TRAP1: variants seen among roughly 807,000 people sequenced by gnomAD.
TRAP1 encodes heat shock protein 75 kDa, mitochondrial.
Under a neutral mutation model 89.1 loss-of-function variants are expected in TRAP1, and 102 were observed. The ratio of observed to expected loss-of-function variants is 1.15; its 90% CI spans 0.98 to 1.35. The LOEUF (loss-of-function observed/expected upper bound fraction) is 1.35, where lower values mean the gene tolerates loss of function less well. TRAP1 is among the 40% of genes most tolerant of loss of function. TRAP1 has a pLI of 0.00. For missense variants in TRAP1, 1,256 were observed against 945.3 expected (o/e 1.33, Z -4.31); for synonymous variants, 508 against 388.0 (o/e 1.31, Z -3.64).
chr16:3,687,878 C>CAAAAAAAAAAAAAAAAAA (rs1555465640), intron 3 of TRAP1, among the ~76,000 whole-genome samples: 3 of 138,774 alleles, frequency 2.2e-5, no homozygotes, highest in Non-Finnish European at 3.1e-5. Flanking sequence ...AAAAAAAAAA[C>CAAAAAAAAAAAAAAAAAA]AAAAACCCAC....
chr16:3,689,045 G>A lies in TRAP1; in HGVS notation c.330+10C>T. The A allele has an allele frequency of 6.2e-7, 1 of 1,607,702 alleles. No individual in the cohort carries two copies. The highest frequency in any genetic ancestry group is 8.5e-7 in the Non-Finnish European group (1 of 1,176,788). On this transcript the variant is annotated intron_variant, in intron 3 of 17. Coordinates refer to ENST00000246957, the MANE Select transcript of TRAP1 (RefSeq NM_016292.3). ...TTGCTAGCATCGGGCATGGTTAGCA[G>A]GGAACGCACCTCTTTTTCTGAGTAC...
In TRAP1 at chr16:3,658,225, G is replaced by GTATATCTGAAAGGCAAGAGGAGAAACCCA. The variant is rs2042832648; in HGVS notation, c.2014-24_2018dup (p.Glu674GlyfsTer14). 3 of 1,613,350 alleles carry GTATATCTGAAAGGCAAGAGGAGAAACCCA rather than the reference G, an allele frequency of 1.9e-6. No individual in the cohort carries two copies. In the East Asian group the frequency reaches 6.7e-5, roughly 36 times the overall value. Reference sequence around the variant, plus strand: ...GTCCAGCAGCAATCATGGCGTTCTCGTATATCTGAAAGGCAAGAGGAGAAA... The same window carrying GTATATCTGAAAGGCAAGAGGAGAAACCCA: ...GTCCAGCAGCAATCATGGCGTTCTCGTATATCTGAAAGGCAAGAGGAGAAACCCATATATCTGAAAGGCAAGAGGAGAAA... On this transcript the variant is annotated frameshift_variant, in exon 18 of 18. Coordinates refer to ENST00000246957, the MANE Select transcript of TRAP1 (RefSeq NM_016292.3). LOFTEE classifies it high-confidence loss of function.
intron 1 of TRAP1, among the ~76,000 whole-genome samples, chr16:3,710,918 T>G (rs1163782278): frequency 2.7e-5 from 4 of 147,502 alleles, no homozygotes; most frequent in African/African-American, 7.7e-5. Context: ...TCACCCAGAC[T>G]GTAGTGCAGT....
chr16:3,659,540 C>T (rs534423957), intron 16 of TRAP1: 1 of 152,172 alleles, frequency 6.6e-6, no homozygotes, highest in East Asian at 1.9e-4. Flanking sequence ...TTTTTTTCTG[C>T]ATAGGAAAAA....
chr16:3,666,547 T>C (rs554124259), intron 11 of TRAP1, among the ~76,000 whole-genome samples: 3 of 135,074 alleles, frequency 2.2e-5, no homozygotes, highest in African/African-American at 1.0e-4. Flanking sequence ...AATTATGTAA[T>C]GCTAAATGGC....
chr16:3,659,493 G>A (rs2042939031), intron 16 of TRAP1: 1 of 152,124 alleles, frequency 6.6e-6, no homozygotes, highest in South Asian at 2.1e-4. Context: ...AAACCAAAAA[G>A]TAAAGAATGA....
At position 3,683,082 on chromosome 16, in the gene TRAP1, T is replaced by C. The variant is rs147697342; in HGVS notation, c.471+2914A>G. On this transcript the variant is annotated intron_variant, in intron 4 of 17. Coordinates refer to ENST00000246957, the MANE Select transcript of TRAP1 (RefSeq NM_016292.3). ...ACTCGAGAGACTGAAGGCAAGAGAA[T>C]TGCTTGAACCCGGGAGGCGGAGGTT... is the stretch of plus-strand genomic sequence containing the variant. 6.5e-3 allele frequency among the ~76,000 whole-genome samples: 987 copies of C among 152,036 alleles called. 14 individuals carry two copies. Among genetic ancestry groups the C allele is most frequent in the African/African-American group, 0.023 (938 of 41,496 alleles).
At chr16:3,710,286 C>T (rs1372895209) in intron 1 of TRAP1, 1 of 152,204 alleles carries the variant, frequency 6.6e-6, no homozygotes, top group Non-Finnish European at 1.5e-5. Flanking sequence ...TAACAAGTTT[C>T]CCAGCCACAT....
Position 3,705,772 on chromosome 16 carries a change from C to T in TRAP1, c.88+11649G>A, listed in dbSNP as rs537514419. 1.2e-4 allele frequency among the ~76,000 whole-genome samples: 19 copies of T among 152,012 alleles called. No homozygotes were observed. In the South Asian group the frequency reaches 2.5e-3, roughly 20 times the overall value. ...TTGGCTCACTGCAACCTCTGCCTCC[C>T]GGGTTCAAGTGATTCTCCTGCCTCA... On this transcript the variant is annotated intron_variant, in intron 1 of 17. Coordinates refer to ENST00000246957, the MANE Select transcript of TRAP1 (RefSeq NM_016292.3).
chr16:3,682,229 A>G (rs1373975716), intron 4 of TRAP1, among the ~76,000 whole-genome samples: 3 of 152,136 alleles, frequency 2.0e-5, no homozygotes, highest in Non-Finnish European at 4.4e-5. Flanking sequence ...AGATCTAAAT[A>G]TAAGAGCTAA....
chr16:3,684,513 T>G (rs574246756), intron 4 of TRAP1, among the ~76,000 whole-genome samples: 2 of 152,242 alleles, frequency 1.3e-5, no homozygotes, highest in East Asian at 3.9e-4. Flanking sequence ...ATAAATGGGC[T>G]GGGTATGGTG....
At chr16:3,666,354 G>A (rs967471778) in intron 11 of TRAP1, among the ~76,000 whole-genome samples, 10 of 121,504 alleles carry the variant, frequency 8.2e-5, no homozygotes, top group African/African-American at 3.7e-4. Context: ...GAGAACCGAT[G>A]CCCCCAGAGA....
intron 3 of TRAP1, chr16:3,687,433 C>G (rs1285939208): frequency 6.6e-6 from 1 of 152,284 alleles, no homozygotes; most frequent in Non-Finnish European, 1.5e-5. Context: ...GACTAATACA[C>G]TCCTACTCCA....
chr16:3,683,556 T>C (rs2051100356), intron 4 of TRAP1, among the ~76,000 whole-genome samples: 1 of 151,694 alleles, frequency 6.6e-6, no homozygotes, highest in Non-Finnish European at 1.5e-5. Context: ...TGGCTAATTT[T>C]TGTATTTTTA....
chr16:3,707,184 CTTTT>C (rs747339831), intron 1 of TRAP1, among the ~76,000 whole-genome samples: 5 of 130,022 alleles, frequency 3.8e-5, no homozygotes, highest in African/African-American at 5.6e-5. Context: ...AAGAGGAAAT[CTTTT>C]TTTTTTTTTT....
At chr16:3,684,301 T>C (rs941591327) in intron 4 of TRAP1, among the ~76,000 whole-genome samples, 1 of 152,214 alleles carries the variant, frequency 6.6e-6, no homozygotes, top group Non-Finnish European at 1.5e-5. Context: ...AAGTGTTAAA[T>C]ATCAATTCAA....
chr16:3,684,909 G>T (rs773716455), intron 4 of TRAP1, among the ~76,000 whole-genome samples: 3 of 152,188 alleles, frequency 2.0e-5, no homozygotes, highest in Non-Finnish European at 4.4e-5. Flanking sequence ...CAAATTTTCT[G>T]TAAATCTAGA....
In TRAP1 at chr16:3,658,831, C is replaced by CGCGCAGCTGATTCAGCTTCTT; in HGVS notation, c.1954_1974dup (p.Lys652_Arg658dup). 1 of 1,613,960 alleles carries CGCGCAGCTGATTCAGCTTCTT rather than the reference C, an allele frequency of 6.2e-7. No homozygotes were observed. Among genetic ancestry groups the CGCGCAGCTGATTCAGCTTCTT allele is most frequent in the Non-Finnish European group, 8.5e-7 (1 of 1,179,980 alleles). On this transcript the variant is annotated inframe_insertion, in exon 17 of 18. Transcript: ENST00000246957. ...AGCTGAGCCAGGCCAGGCTCGCTTG[C>CGCGCAGCTGATTCAGCTTCTT]GCGCAGCTGATTCAGCTTCTTGATG...
chr16:3,675,450 C>A, intron 7 of TRAP1, 53 bp from the exon 8 acceptor site: 4 of 1,579,582 alleles, frequency 2.5e-6, no homozygotes, highest in Non-Finnish European at 3.5e-6. Context: ...TGTGGAAACG[C>A]AAGCTTTGCA....
Sources: gnomAD v4.1 joint callset for allele counts (sites outside exome capture counted in the v4.1 genomes callset) on GRCh38, gnomAD v4.1.1 for gene constraint, MANE v1.5 for transcripts, NCBI Gene and HGNC (gene_info 2026-07-23, HGNC 2026-07-21) for gene names.